Variants in PDZD2 observed in about 807,000 individuals in gnomAD.
PDZD2 encodes PDZ domain containing 2.
Under a neutral mutation model 220.7 loss-of-function variants are expected in PDZD2, and 90 were observed. That is an observed-to-expected ratio of 0.41 (90% CI 0.34 to 0.49). PDZD2 has a LOEUF of 0.49. Among genes scored for constraint, PDZD2 ranks in the 20% least tolerant of loss-of-function variants. The pLI is 0.28. For synonymous variants in PDZD2, 1,375 were observed against 1,450.5 expected (o/e 0.95, Z 1.18); for missense variants, 3,174 against 3,608.5 (o/e 0.88, Z 3.08).
At chr5:31,885,944 CTT>C (rs1740424390) in intron 2 of PDZD2, among the ~76,000 whole-genome samples, 1 of 150,854 alleles carries the variant, frequency 6.6e-6, no homozygotes, top group Admixed American at 6.6e-5. Context: ...AATAATTTCT[CTT>C]TTTCTCCAGG....
At chr5:32,065,332 G>A (rs1740119329) in intron 14 of PDZD2, among the ~76,000 whole-genome samples, 1 of 152,160 alleles carries the variant, frequency 6.6e-6, no homozygotes, top group African/African-American at 2.4e-5. Flanking sequence ...TCTTACCCAT[G>A]CCTGTCATAT....
intron 1 of PDZD2, among the ~76,000 whole-genome samples, chr5:31,659,065 G>T (rs1745666357): frequency 6.6e-6 from 1 of 152,072 alleles, no homozygotes; most frequent in Admixed American, 6.5e-5. Flanking sequence ...TACTGACTTT[G>T]GTTGGCACTG....
intron 2 of PDZD2, among the ~76,000 whole-genome samples, chr5:31,802,262 AGG>A (rs1394142392): frequency 6.6e-6 from 1 of 152,130 alleles, no homozygotes; most frequent in Non-Finnish European, 1.5e-5. Context: ...CTAAAATACT[AGG>A]GGTGAATCTG....
At chr5:31,660,002 T>C (rs573405236) in intron 1 of PDZD2, among the ~76,000 whole-genome samples, 7 of 152,294 alleles carry the variant, frequency 4.6e-5, no homozygotes, top group African/African-American at 1.4e-4. Context: ...AACCAAAAGC[T>C]CAGAGGATCA....
intron 8 of PDZD2, among the ~76,000 whole-genome samples, chr5:32,051,769 G>C (rs1286401589): frequency 6.6e-6 from 1 of 152,206 alleles, no homozygotes; most frequent in East Asian, 1.9e-4. Flanking sequence ...TGTGAGAGAT[G>C]AGAACTGAAG....
intron 24 of PDZD2, chr5:32,107,382 C>CCAT (rs374489010): frequency 3.6e-4 from 55 of 151,744 alleles, no homozygotes; most frequent in African/African-American, 1.3e-3. Context: ...TGGCAAGACC[C>CCAT]CATCTCTACC....
chr5:31,956,537 ACT>A (rs1380943200), intron 2 of PDZD2, among the ~76,000 whole-genome samples: 1 of 142,530 alleles, frequency 7.0e-6, no homozygotes, highest in African/African-American at 2.6e-5. Flanking sequence ...ACAGAGTGAG[ACT>A]CTGTCTCAAA....
intron 2 of PDZD2, among the ~76,000 whole-genome samples, chr5:31,879,884 G>T (rs1384460495): frequency 6.8e-6 from 1 of 148,068 alleles, no homozygotes; most frequent in Non-Finnish European, 1.5e-5. Flanking sequence ...CTGCTAAACT[G>T]CTTACAGTTT....
At position 32,087,328 on chromosome 5, in the gene PDZD2, G is replaced by A. The variant is rs1340442725; in HGVS notation, c.3880G>A (p.Glu1294Lys). 5 of 1,614,156 alleles carry A rather than the reference G, an allele frequency of 3.1e-6. No individual in the cohort carries two copies. Among genetic ancestry groups the A allele is most frequent in the Admixed American group, 3.3e-5 (2 of 60,030 alleles). ...LPHEGSPSPG[E>K]KAAAPPDYSK... is the part of the protein sequence containing the mutation. ...CCATGAGGGCAGCCCCTCCCCGGGG[G>A]AGAAAGCAGCGGCTCCCCCTGACTA... The change falls in exon 20 of 25, where the codon GAG becomes AAG. Residue 1294 changes from glutamate (E) to lysine (K), a missense_variant. Glu to Lys is a moderately conservative substitution (Grantham distance 56, BLOSUM62 1). This residue lies in a region of PDZD2 where 1,861 missense variants were observed against 2,001.0 expected (regional missense o/e 0.93). Coordinates refer to ENST00000438447, the MANE Select transcript of PDZD2 (RefSeq NM_178140.4). The surrounding 1 kb of genome is among the most constrained non-coding windows in gnomAD (Gnocchi z 4.0).
At chr5:31,820,741 T>C (rs923010285) in intron 2 of PDZD2, 1 of 152,180 alleles carries the variant, frequency 6.6e-6, no homozygotes, top group Non-Finnish European at 1.5e-5. Context: ...AATTGTTTTA[T>C]ACAAATTATT....
chr5:31,781,539 C>T (rs1753064342), intron 1 of PDZD2, among the ~76,000 whole-genome samples: 2 of 152,156 alleles, frequency 1.3e-5, no homozygotes, highest in Admixed American at 6.5e-5. Context: ...TAGAAGTGGT[C>T]GCCAACTCTA....
At chr5:31,815,724 T>C (rs754152523) in intron 2 of PDZD2, among the ~76,000 whole-genome samples, 41 of 152,304 alleles carry the variant, frequency 2.7e-4, no homozygotes, top group African/African-American at 5.5e-4. Flanking sequence ...ACTTAGTCAG[T>C]TGGAGGGCTT....
chr5:31,890,276 C>T lies in PDZD2; in HGVS notation c.476+90552C>T, dbSNP rs190763493. On this transcript the variant is annotated intron_variant, in intron 2 of 24. Coordinates refer to ENST00000438447, the MANE Select transcript of PDZD2 (RefSeq NM_178140.4). ...GCCACTAGCCACGTGTGAAATGTGA[C>T]GCACATGACCCAAGAATTGAATTTT... Among the ~76,000 whole-genome samples the T allele has an allele frequency of 1.6e-4, 25 of 151,810 alleles. No individual in the cohort carries two copies. The East Asian group carries it at 2.5e-3, about 15-fold the overall frequency.
At chr5:32,071,486 G>C in intron 16 of PDZD2, 68 bp downstream of exon 16, 1 of 1,283,534 alleles carries the variant, frequency 7.8e-7, no homozygotes, top group Non-Finnish European at 1.1e-6. Flanking sequence ...GAGCCCACAA[G>C]TCAAGCCGGA....
intron 1 of PDZD2, chr5:31,787,662 T>A: frequency 6.6e-6 from 1 of 152,202 alleles, no homozygotes; most frequent in East Asian, 1.9e-4. Context: ...AATTGAAGGA[T>A]CTTGGGCCTG....
intron 2 of PDZD2, among the ~76,000 whole-genome samples, chr5:31,926,221 T>TAAA (rs201595332): frequency 0.052 from 7,430 of 143,686 alleles, 242 homozygotes; most frequent in Non-Finnish European, 0.076. Context: ...CCCTGTCACT[T>TAAA]AAAAAAAAAA....
intron 6 of PDZD2, among the ~76,000 whole-genome samples, chr5:32,019,683 A>T (rs1028887413): frequency 7.9e-5 from 12 of 152,202 alleles, no homozygotes; most frequent in Admixed American, 7.2e-4. Context: ...AAATACAGTT[A>T]AAAAAATTTC....
intron 1 of PDZD2, among the ~76,000 whole-genome samples, chr5:31,770,578 A>G (rs1752283083): frequency 6.6e-6 from 1 of 152,082 alleles, no homozygotes; most frequent in Non-Finnish European, 1.5e-5. Flanking sequence ...TACTCCGGGG[A>G]CCCAGAGTAT....
At chr5:31,781,867 G>A (rs545672282) in intron 1 of PDZD2, among the ~76,000 whole-genome samples, 4 of 152,260 alleles carry the variant, frequency 2.6e-5, no homozygotes, top group East Asian at 3.9e-4. Flanking sequence ...GGGTTTGGGC[G>A]AATAGAGGCA....
Sources: allele counts gnomAD v4.1 joint callset (sites outside exome capture counted in the v4.1 genomes callset), GRCh38; gene constraint gnomAD v4.1.1; regional missense constraint gnomAD v4.1.1; non-coding constraint Gnocchi (gnomAD v3.1); transcripts MANE v1.5; gene names NCBI Gene and HGNC (gene_info 2026-07-23, HGNC 2026-07-21).